Variants in SEMA6D observed in about 807,000 individuals in gnomAD.
SEMA6D encodes the protein semaphorin 6D.
A neutral mutation model predicts 106.6 loss-of-function variants in SEMA6D; 35 were observed. The observed-to-expected ratio is 0.33, with a 90% CI of 0.25 to 0.44. SEMA6D has a LOEUF of 0.44. SEMA6D is among the 20% of genes least tolerant of loss of function. The probability of loss-of-function intolerance (pLI) is 1.00; values close to 1 mark genes in which losing one functional copy is unlikely to be tolerated. For missense variants in SEMA6D, 1,185 were observed against 1,345.9 expected, an observed-to-expected ratio of 0.88 and a Z score of 1.87; for synonymous variants, 499 against 487.7, an observed-to-expected ratio of 1.02 and a Z score of -0.31.
At chr15:47,423,413 T>C (rs1380424027) in intron 2 of SEMA6D, among the ~76,000 whole-genome samples, 1 of 152,126 alleles carries the variant, frequency 6.6e-6, no homozygotes, top group Non-Finnish European at 1.5e-5. Flanking sequence ...TTAGAATTAT[T>C]TGAATGCTTA....
intron 1 of SEMA6D, among the ~76,000 whole-genome samples, chr15:47,222,379 G>A (rs1041995150): frequency 5.3e-5 from 8 of 152,050 alleles, no homozygotes; most frequent in Non-Finnish European, 1.0e-4. Context: ...CTCCCAACCT[G>A]TTTTCTTTCC....
intron 1 of SEMA6D, among the ~76,000 whole-genome samples, chr15:47,220,358 G>T (rs2031077032): frequency 6.6e-6 from 1 of 152,142 alleles, no homozygotes; most frequent in African/African-American, 2.4e-5. Context: ...GGTGATTGTA[G>T]TAACAGATAT....
chr15:47,320,333 A>T (rs1595725226), intron 1 of SEMA6D, among the ~76,000 whole-genome samples: 1 of 152,282 alleles, frequency 6.6e-6, no homozygotes, highest in African/African-American at 2.4e-5. Context: ...ATCAGTGTTC[A>T]GATTCTCTCT....
intron 1 of SEMA6D, among the ~76,000 whole-genome samples, chr15:47,745,136 C>G (rs981615897): frequency 4.6e-5 from 7 of 152,190 alleles, no homozygotes; most frequent in Non-Finnish European, 1.0e-4. Flanking sequence ...GGGTTTGAAG[C>G]GTAATTATCT....
At chr15:47,412,660 C>T (rs1310541944) in intron 2 of SEMA6D, among the ~76,000 whole-genome samples, 2 of 151,982 alleles carry the variant, frequency 1.3e-5, no homozygotes, top group Admixed American at 1.3e-4. Context: ...TTTGTTGGTA[C>T]GAGTGAAAAT....
intron 3 of SEMA6D, among the ~76,000 whole-genome samples, chr15:47,556,160 T>G (rs2045908875): frequency 1.3e-5 from 2 of 152,200 alleles, no homozygotes; most frequent in Non-Finnish European, 2.9e-5. Flanking sequence ...ACTGTTATAC[T>G]TAAAAAGATT....
intron 3 of SEMA6D, among the ~76,000 whole-genome samples, chr15:47,538,860 G>C (rs2045263846): frequency 1.3e-5 from 2 of 152,072 alleles, no homozygotes; most frequent in South Asian, 4.2e-4. Context: ...ATTTAAAGAG[G>C]ATACAAAGAA....
In SEMA6D at chr15:47,760,276, T is replaced by C. The variant is rs570634862; in HGVS notation, c.110-28T>C. On this transcript the variant is annotated intron_variant, in intron 2 of 18. Transcript: ENST00000536845. ...GATCCCTCAGCTCCATAATCCTGAA[T>C]GATGGTTTAGCCCATTTTTACTTGC... 9.3e-6 allele frequency: 14 copies of C among 1,508,542 alleles called. No homozygotes were observed. The South Asian group carries it at 1.1e-4, about 12-fold the overall frequency. 93.4% of individuals were successfully genotyped at this position (1,508,542 alleles called of 1,614,324 possible).
intron 3 of SEMA6D, among the ~76,000 whole-genome samples, chr15:47,537,069 G>A (rs909852690): frequency 6.6e-6 from 1 of 152,208 alleles, no homozygotes; most frequent in East Asian, 1.9e-4. Flanking sequence ...TAGAGCCAGT[G>A]ATTCTCTTAG....
intron 1 of SEMA6D, among the ~76,000 whole-genome samples, chr15:47,312,149 T>TG (rs1177734858): frequency 6.7e-6 from 1 of 149,094 alleles, no homozygotes; most frequent in African/African-American, 2.6e-5. Flanking sequence ...TTCTAGGGTT[T>TG]TTTTTTTTTT....
chr15:47,710,623 A>G (rs1021588183), intron 4 of SEMA6D, among the ~76,000 whole-genome samples: 1 of 152,188 alleles, frequency 6.6e-6, no homozygotes, highest in East Asian at 1.9e-4. Context: ...GTGCAATGAT[A>G]TAGTGGCAAT....
At chr15:47,487,105 T>G (rs2043317836) in intron 3 of SEMA6D, among the ~76,000 whole-genome samples, 1 of 152,186 alleles carries the variant, frequency 6.6e-6, no homozygotes, top group African/African-American at 2.4e-5. Flanking sequence ...AGGAACACAT[T>G]AATACATTCT....
At chr15:47,733,964 T>C (rs1490205835) in intron 1 of SEMA6D, among the ~76,000 whole-genome samples, 1 of 152,234 alleles carries the variant, frequency 6.6e-6, no homozygotes, top group Non-Finnish European at 1.5e-5. Flanking sequence ...AGTCTGCATG[T>C]GGCATTTCTT....
intron 1 of SEMA6D, chr15:47,718,841 G>C (rs1303830455): frequency 1.3e-5 from 2 of 152,252 alleles, no homozygotes; most frequent in Non-Finnish European, 2.9e-5. Flanking sequence ...GCTCGCGCCG[G>C]CAGCCGCTGG....
At chr15:47,573,949 C>G (rs377585410) in intron 3 of SEMA6D, among the ~76,000 whole-genome samples, 9 of 152,286 alleles carry the variant, frequency 5.9e-5, no homozygotes, top group African/African-American at 2.2e-4. Context: ...CAGTGCAAGC[C>G]CATCAAATCT....
At chr15:47,529,251 A>G (rs1407006629) in intron 3 of SEMA6D, among the ~76,000 whole-genome samples, 2 of 152,144 alleles carry the variant, frequency 1.3e-5, no homozygotes, top group Non-Finnish European at 2.9e-5. Context: ...GAGGAGAAGT[A>G]AGAGGAGAGG....
At chr15:47,606,596 C>T (rs1403543596) in intron 4 of SEMA6D, among the ~76,000 whole-genome samples, 2 of 152,126 alleles carry the variant, frequency 1.3e-5, no homozygotes, top group Non-Finnish European at 2.9e-5. Flanking sequence ...GACTTGAATA[C>T]CAAGAGGCAG....
At chr15:47,324,971 A>G (rs750864445) in intron 1 of SEMA6D, among the ~76,000 whole-genome samples, 14 of 152,162 alleles carry the variant, frequency 9.2e-5, no homozygotes, top group African/African-American at 2.9e-4. Context: ...ATTTAAAACC[A>G]TGTATATATT....
intron 1 of SEMA6D, among the ~76,000 whole-genome samples, chr15:47,384,511 T>G (rs2039749075): frequency 6.6e-6 from 1 of 152,250 alleles, no homozygotes; most frequent in Admixed American, 6.5e-5. Context: ...TGACTCATTT[T>G]CACTAATCTG....
Sources: allele counts gnomAD v4.1 joint callset (sites outside exome capture counted in the v4.1 genomes callset), GRCh38; gene constraint gnomAD v4.1.1; transcripts MANE v1.5; gene names NCBI Gene and HGNC (gene_info 2026-07-23, HGNC 2026-07-21).